The following KCNMA1 variants were observed in gnomAD, a reference collection of about 807,000 sequenced individuals.
KCNMA1 encodes the protein potassium calcium-activated channel subfamily M alpha 1.
A neutral mutation model predicts 140.0 loss-of-function variants in KCNMA1; 29 were observed. The observed-to-expected ratio is 0.21, with a 90% confidence interval of 0.15 to 0.28. The LOEUF (loss-of-function observed/expected upper bound fraction) is 0.28. KCNMA1 is among the 10% of genes least tolerant of loss of function. The pLI is 1.00. For synonymous variants in KCNMA1, 612 were observed against 611.9 expected (o/e 1.00, Z 0.00); for missense variants, 880 against 1,602.2 (o/e 0.55, Z 7.70).
intron 6 of KCNMA1, among the ~76,000 whole-genome samples, chr10:77,118,257 C>T (rs914295511): frequency 3.9e-5 from 6 of 152,180 alleles, no homozygotes; most frequent in South Asian, 2.1e-4. Context: ...ACAGGAGAAT[C>T]GCTCAAAAGT....
intron 14 of KCNMA1, among the ~76,000 whole-genome samples, chr10:77,072,260 A>C (rs1267232730): frequency 2.0e-5 from 3 of 152,202 alleles, no homozygotes; most frequent in African/African-American, 7.2e-5. Context: ...CGTTTTACAC[A>C]CGGGTTTGTC....
At chr10:77,057,580 C>T (rs1395962313) in intron 14 of KCNMA1, among the ~76,000 whole-genome samples, 1 of 151,936 alleles carries the variant, frequency 6.6e-6, no homozygotes, top group Non-Finnish European at 1.5e-5. Context: ...AGCTGTAATA[C>T]ATAATACAAC....
chr10:76,943,262 C>T (rs943296171), intron 23 of KCNMA1, among the ~76,000 whole-genome samples: 11 of 152,208 alleles, frequency 7.2e-5, no homozygotes, highest in Non-Finnish European at 5.9e-5. Context: ...TAGGCCTTCA[C>T]ATGTTGTGCT....
At chr10:77,099,227 C>A (rs2097025575) in intron 9 of KCNMA1, among the ~76,000 whole-genome samples, 1 of 151,772 alleles carries the variant, frequency 6.6e-6, no homozygotes, top group Non-Finnish European at 1.5e-5. Flanking sequence ...CAAAGCGAGC[C>A]CCACCTCCCT....
At chr10:76,945,672 A>G (rs1359871022) in intron 22 of KCNMA1, among the ~76,000 whole-genome samples, 1 of 152,238 alleles carries the variant, frequency 6.6e-6, no homozygotes, top group Non-Finnish European at 1.5e-5. Context: ...ACATGCACAC[A>G]GTGAAAATGT....
chr10:77,166,109 C>T lies in KCNMA1; in HGVS notation c.808+17312G>A, dbSNP rs1475762840. 2.0e-5 allele frequency among the ~76,000 whole-genome samples: 3 copies of T among 152,156 alleles called. No homozygotes were observed. In the East Asian group the frequency reaches 5.8e-4, roughly 29 times the overall value. On this transcript the variant is annotated intron_variant, in intron 5 of 27. Coordinates refer to ENST00000286628, the MANE Select transcript of KCNMA1 (RefSeq NM_001161352.2). The stretch of plus-strand genomic sequence containing the variant: ...CCTTTGTTCCCAGTGGAGCTGGGGC[C>T]CTTCGTCTCTAACAAACCAGAAGTA...
rs2066305613 is a variant in KCNMA1, at chr10:77,275,166, G to A, written c.541-23910C>T. Among the ~76,000 whole-genome samples, 3 of 152,202 alleles carry A rather than the reference G, an allele frequency of 2.0e-5. No homozygotes were observed. In the South Asian group the frequency reaches 6.2e-4, roughly 32 times the overall value. ...TCTTATTTGGACAGCTTAGACCTCA[G>A]AGAGCCTATACCAACTGAATATTTG... On this transcript the variant is annotated intron_variant, in intron 2 of 27. Coordinates refer to ENST00000286628, the MANE Select transcript of KCNMA1 (RefSeq NM_001161352.2).
In KCNMA1 at chr10:77,144,666, G is replaced by A. The variant is rs114974988; in HGVS notation, c.809-23618C>T. On this transcript the variant is annotated intron_variant, in intron 5 of 27. Coordinates refer to ENST00000286628, the MANE Select transcript of KCNMA1 (RefSeq NM_001161352.2). ...CAACAGAGATACTCAAACAGAGTCT[G>A]CTTGTACCAATTTAGGGAACACTAA... Among the ~76,000 whole-genome samples the A allele has an allele frequency of 8.0e-3, 1,224 of 152,258 alleles. 15 individuals are homozygous for A. The highest frequency in any genetic ancestry group is 0.028 in the African/African-American group (1,169 of 41,546).
chr10:77,237,068 A>C (rs1331839990), intron 3 of KCNMA1, among the ~76,000 whole-genome samples: 1 of 152,222 alleles, frequency 6.6e-6, no homozygotes, highest in Admixed American at 6.5e-5. Context: ...GCCTTACAAT[A>C]CATCTTATTT....
At chr10:76,944,330 C>T (rs1345239542) in intron 23 of KCNMA1, among the ~76,000 whole-genome samples, 2 of 152,200 alleles carry the variant, frequency 1.3e-5, no homozygotes, top group African/African-American at 4.8e-5. Context: ...CCAGAGATTA[C>T]CATCCCTTGG....
At chr10:77,357,314 C>T (rs576192293) in intron 2 of KCNMA1, among the ~76,000 whole-genome samples, 3 of 152,316 alleles carry the variant, frequency 2.0e-5, no homozygotes, top group East Asian at 3.9e-4. Context: ...TGAAGATTGC[C>T]ATCAGTTAAC....
At chr10:77,497,159 A>G (rs2042253332) in intron 1 of KCNMA1, among the ~76,000 whole-genome samples, 1 of 151,856 alleles carries the variant, frequency 6.6e-6, no homozygotes, top group South Asian at 2.1e-4. Flanking sequence ...CACTGGAAAA[A>G]CCCTGCATTC....
chr10:77,168,160 G>A (rs538765418), intron 5 of KCNMA1, among the ~76,000 whole-genome samples: 46 of 152,170 alleles, frequency 3.0e-4, no homozygotes, highest in African/African-American at 5.8e-4. Context: ...AAGCTCAGGC[G>A]CTGAGATCAC....
In KCNMA1 at chr10:77,073,206, T is replaced by C; in HGVS notation, c.1640A>G (p.Asp547Gly). 6.2e-7 allele frequency: 1 copy of C among 1,614,210 alleles called. No homozygotes were observed. The highest frequency in any genetic ancestry group is 8.5e-7 in the Non-Finnish European group (1 of 1,180,006). Reference sequence around the variant, plus strand: ...CTTCAACTCTGCGAGGCAGATTGCGTCATCACCTTCTTTCCAATTCCAGCT... The same window carrying C: ...CTTCAACTCTGCGAGGCAGATTGCGCCATCACCTTCTTTCCAATTCCAGCT... ...IPSWNWKEGDDAICLAELKLG... is the reference protein window; with the variant it reads ...IPSWNWKEGDGAICLAELKLG... Residue 547 changes from aspartate (D) to glycine (G), a missense_variant, in exon 14 of 28, where the codon GAC (aspartate) becomes GGC (glycine). Physicochemically the swap from Asp to Gly is moderately conservative, Grantham distance 94. This residue lies in a region of KCNMA1 where 198 missense variants were observed against 580.1 expected (regional missense o/e 0.34). Transcript: ENST00000286628.
chr10:77,301,148 C>T (rs1381749490), intron 2 of KCNMA1, among the ~76,000 whole-genome samples: 1 of 152,118 alleles, frequency 6.6e-6, no homozygotes, highest in African/African-American at 2.4e-5. Flanking sequence ...TTGCAGAACA[C>T]CATAATAAAG....
intron 3 of KCNMA1, among the ~76,000 whole-genome samples, chr10:77,226,927 C>T (rs1365733109): frequency 1.3e-5 from 2 of 152,146 alleles, no homozygotes; most frequent in Admixed American, 6.5e-5. Flanking sequence ...TCCTTCATTA[C>T]AAAACATGTT....
chr10:77,271,229 G>A (rs943109996), intron 2 of KCNMA1, among the ~76,000 whole-genome samples: 4 of 152,162 alleles, frequency 2.6e-5, no homozygotes, highest in African/African-American at 7.2e-5. Context: ...AGTTGCACTG[G>A]CTACACTGAA....
At chr10:77,566,086 T>C (rs2068199722) in intron 1 of KCNMA1, among the ~76,000 whole-genome samples, 1 of 148,028 alleles carries the variant, frequency 6.8e-6, no homozygotes, top group African/African-American at 2.4e-5. Context: ...GCAGCAGTGA[T>C]AGGCAAGGAA....
At chr10:77,586,336 T>C (rs1355916626) in intron 1 of KCNMA1, 2 of 152,206 alleles carry the variant, frequency 1.3e-5, no homozygotes, top group Admixed American at 6.5e-5. Flanking sequence ...GACCGTTGCA[T>C]GTTCGACGTC....
Sources: gnomAD v4.1 joint callset for allele counts (sites outside exome capture counted in the v4.1 genomes callset) on GRCh38, gnomAD v4.1.1 for gene constraint, gnomAD v4.1.1 regional missense constraint, MANE v1.5 for transcripts, NCBI Gene and HGNC (gene_info 2026-07-23, HGNC 2026-07-21) for gene names.